Variants in LAMA2 observed in about 807,000 individuals in gnomAD.
LAMA2 encodes laminin subunit alpha 2.
Under a neutral mutation model 364.8 loss-of-function variants are expected in LAMA2, and 269 were observed. The ratio of observed to expected loss-of-function variants is 0.74; its 90% CI spans 0.67 to 0.82. LAMA2 has a LOEUF of 0.82. LAMA2 is among the 40% of genes least tolerant of loss of function. LAMA2 has a pLI of 0.00. For missense variants in LAMA2, 3,807 were observed against 3,873.2 expected (o/e 0.98, Z 0.45); for synonymous variants, 1,379 against 1,370.6 (o/e 1.01, Z -0.14).
intron 12 of LAMA2, among the ~76,000 whole-genome samples, chr6:129,208,680 GGAAA>G (rs1391401260): frequency 4.7e-5 from 4 of 84,534 alleles, no homozygotes; most frequent in African/African-American, 6.8e-5. Context: ...AGAAAGAGAA[GGAAA>G]GAAAGAAAAA....
At chr6:129,152,372 C>G (rs1778861675) in intron 7 of LAMA2, among the ~76,000 whole-genome samples, 1 of 152,152 alleles carries the variant, frequency 6.6e-6, no homozygotes, top group Admixed American at 6.5e-5. Context: ...GAGGAAAAGT[C>G]ATTTGTCATA....
intron 1 of LAMA2, among the ~76,000 whole-genome samples, chr6:129,037,632 G>A (rs1786737024): frequency 6.6e-6 from 1 of 151,826 alleles, no homozygotes; most frequent in African/African-American, 2.4e-5. Flanking sequence ...TACGGACAAT[G>A]AAGACAGCTA....
In LAMA2 at chr6:129,326,270, C is replaced by A. The variant is rs373167820; in HGVS notation, c.4177-2008C>A. On this transcript the variant is annotated intron_variant, in intron 28 of 64. Transcript: ENST00000421865. The stretch of plus-strand genomic sequence containing the variant: ...ACAAACTCGGGCCTCAACTCTCCCC[C>A]AGAGGAATTGACTCCACCTCCTCTA... 2.6e-4 allele frequency among the ~76,000 whole-genome samples: 39 copies of A among 152,266 alleles called. No homozygotes were observed. The East Asian group carries it at 7.0e-3, about 27-fold the overall frequency.
At chr6:128,899,881 A>C (rs1776980938) in intron 1 of LAMA2, among the ~76,000 whole-genome samples, 1 of 152,138 alleles carries the variant, frequency 6.6e-6, no homozygotes, top group African/African-American at 2.4e-5. Flanking sequence ...TCTGGATGGA[A>C]GGTCTTTTTG....
At chr6:129,313,425 C>T (rs1254705939) in intron 23 of LAMA2, among the ~76,000 whole-genome samples, 1 of 152,108 alleles carries the variant, frequency 6.6e-6, no homozygotes, top group Non-Finnish European at 1.5e-5. Context: ...GCAGGGAAGA[C>T]AGTTCTTTTA....
chr6:128,987,311 T>A (rs1316359417), intron 1 of LAMA2, among the ~76,000 whole-genome samples: 2 of 151,988 alleles, frequency 1.3e-5, no homozygotes, highest in Non-Finnish European at 2.9e-5. Context: ...GCTTTTCTTT[T>A]TTTCGCATTT....
intron 40 of LAMA2, among the ~76,000 whole-genome samples, chr6:129,419,711 A>G (rs928748242): frequency 2.0e-5 from 3 of 152,082 alleles, no homozygotes; most frequent in Non-Finnish European, 4.4e-5. Flanking sequence ...GGGATTTCCT[A>G]TTTTATCACT....
At chr6:129,313,430 C>A (rs958994784) in intron 23 of LAMA2, among the ~76,000 whole-genome samples, 4 of 152,134 alleles carry the variant, frequency 2.6e-5, no homozygotes, top group African/African-American at 9.7e-5. Flanking sequence ...GAAGACAGTT[C>A]TTTTAAGCAT....
chr6:129,360,917 A>G (rs1261987047), intron 32 of LAMA2, among the ~76,000 whole-genome samples: 2 of 152,152 alleles, frequency 1.3e-5, no homozygotes, highest in Non-Finnish European at 2.9e-5. Context: ...TGAGAAAACG[A>G]TAGGTACTTT....
At chr6:129,199,113 A>G (rs963279927) in intron 12 of LAMA2, among the ~76,000 whole-genome samples, 1 of 151,272 alleles carries the variant, frequency 6.6e-6, no homozygotes, top group African/African-American at 2.5e-5. Flanking sequence ...ATAAAATATT[A>G]ACAACCCAAA....
At chr6:128,933,508 A>G (rs910536561) in intron 1 of LAMA2, among the ~76,000 whole-genome samples, 8 of 152,280 alleles carry the variant, frequency 5.3e-5, no homozygotes, top group Middle Eastern at 3.4e-3. Flanking sequence ...GCTGTTTTCC[A>G]TAGTGGCTAT....
chr6:128,929,093 G>T, intron 1 of LAMA2: 1 of 1,456,568 alleles, frequency 6.9e-7, no homozygotes, highest in South Asian at 1.1e-5. Context: ...CCACACTGTG[G>T]ACCGCAGCAG....
At chr6:129,206,126 AAGGAAGGAAGG>A (rs1562331177) in intron 12 of LAMA2, among the ~76,000 whole-genome samples, 4 of 120,994 alleles carry the variant, frequency 3.3e-5, no homozygotes, top group African/African-American at 1.6e-4. Flanking sequence ...GGAAGGAAGG[AAGGAAGGAAGG>A]AAGGAAGGAA....
Position 129,382,110 on chromosome 6 carries a change from T to A in LAMA2, c.4960-1012T>A, listed in dbSNP as rs563594467. 9.8e-5 allele frequency among the ~76,000 whole-genome samples: 15 copies of A among 152,338 alleles called. No homozygotes were observed. In the South Asian group the frequency reaches 3.1e-3, roughly 32 times the overall value. On this transcript the variant is annotated intron_variant, in intron 34 of 64. Coordinates refer to ENST00000421865, the MANE Select transcript of LAMA2 (RefSeq NM_000426.4). Reference sequence around the variant, plus strand: ...AGTATGCAAGCACTCTGGTACAAGATTCTAGAGTGTTAATATGCTGCCAAC... The same window carrying A: ...AGTATGCAAGCACTCTGGTACAAGAATCTAGAGTGTTAATATGCTGCCAAC...
At chr6:129,054,693 ATAT>A (rs1226224728) in intron 2 of LAMA2, among the ~76,000 whole-genome samples, 1 of 148,492 alleles carries the variant, frequency 6.7e-6, no homozygotes, top group African/African-American at 2.4e-5. Context: ...TACTTATATA[ATAT>A]TAAATAAATT....
chr6:129,290,487 TG>T (rs1378148914), intron 19 of LAMA2, among the ~76,000 whole-genome samples: 2 of 152,172 alleles, frequency 1.3e-5, no homozygotes, highest in African/African-American at 2.4e-5. Context: ...TTTGTTTATT[TG>T]TTTGTTTTTT....
At chr6:129,048,709 G>A (rs183919534) in intron 1 of LAMA2, among the ~76,000 whole-genome samples, 1 of 151,104 alleles carries the variant, frequency 6.6e-6, no homozygotes, top group East Asian at 2.0e-4. Flanking sequence ...CCACCTCCCG[G>A]GCTCAAGCAA....
chr6:129,267,128 G>A lies in LAMA2; in HGVS notation c.2231G>A (p.Arg744Gln), dbSNP rs760703409. The change falls in exon 16 of 65, where the codon CGA becomes CAA. Residue 744 changes from arginine (R) to glutamine (Q), a missense_variant. Around this residue, in one of 3 missense-constraint regions of LAMA2, gnomAD observed 3,333 missense variants for 3,345.7 expected, o/e 1.00. Transcript: ENST00000421865. ...SCESCWPRHR[R>Q]VNGTIFGGIC... ...CAGTCTTGTTGGCCTAGGCACAGGC[G>A]AGTTAACGGCACTATTTTTGGTGGC... 6.8e-6 allele frequency: 11 copies of A among 1,612,744 alleles called. No homozygotes were observed. Among genetic ancestry groups the A allele is most frequent in the East Asian group, 6.7e-5 (3 of 44,870 alleles).
At chr6:128,983,385 GT>G (rs1562893679) in intron 1 of LAMA2, among the ~76,000 whole-genome samples, 1 of 152,066 alleles carries the variant, frequency 6.6e-6, no homozygotes, top group African/African-American at 2.4e-5. Flanking sequence ...ATTTTTTCAT[GT>G]GTTTTTTGGC....
Sources: gnomAD v4.1 joint callset for allele counts (sites outside exome capture counted in the v4.1 genomes callset) on GRCh38, gnomAD v4.1.1 for gene constraint, gnomAD v4.1.1 regional missense constraint, MANE v1.5 for transcripts, NCBI Gene and HGNC (gene_info 2026-07-23, HGNC 2026-07-21) for gene names.